The following PTBP2 variants were observed in gnomAD, a reference collection of about 807,000 sequenced individuals.
PTBP2 encodes the protein polypyrimidine tract-binding protein 2.
Under a neutral mutation model 61.4 loss-of-function variants are expected in PTBP2, and 13 were observed. The observed-to-expected ratio is 0.21, with a 90% CI of 0.14 to 0.34. The LOEUF (loss-of-function observed/expected upper bound fraction) is 0.34. Among genes scored for constraint, PTBP2 ranks in the 10% least tolerant of loss-of-function variants. The pLI is 1.00. For missense variants in PTBP2, 405 were observed against 642.6 expected (o/e 0.63, Z 4.00); for synonymous variants, 215 against 218.5 (o/e 0.98, Z 0.14).
intron 8 of PTBP2, among the ~76,000 whole-genome samples, chr1:96,801,182 G>C (rs1040281952): frequency 2.0e-5 from 3 of 152,042 alleles, no homozygotes; most frequent in Non-Finnish European, 4.4e-5. Context: ...TTTTTCCTGA[G>C]ATTTCAGGAG....
chr1:96,802,594 C>G (rs979101558), intron 8 of PTBP2, among the ~76,000 whole-genome samples: 10 of 152,066 alleles, frequency 6.6e-5, no homozygotes, highest in Non-Finnish European at 1.2e-4. Context: ...TGGCAAAGAT[C>G]TAGTCCAAAT....
intron 3 of PTBP2, among the ~76,000 whole-genome samples, chr1:96,752,591 A>G (rs1380402493): frequency 6.6e-6 from 1 of 152,176 alleles, no homozygotes; most frequent in Non-Finnish European, 1.5e-5. Flanking sequence ...CTTGATTTTG[A>G]TAGTCAAAGT....
At position 96,812,863 on chromosome 1, in the gene PTBP2, A is replaced by G. The variant is rs751595713; in HGVS notation, c.1323A>G (p.Lys441=). 3 of 1,613,704 alleles carry G rather than the reference A, an allele frequency of 1.9e-6. No individual in the cohort carries two copies. The highest frequency in any genetic ancestry group is 1.7e-5 in the Admixed American group (1 of 59,964). The change falls in exon 12 of 14, where the codon AAA becomes AAG. Residue 441 remains lysine, a synonymous_variant. Transcript: ENST00000674951. ...ATTCCCCATTGCATCGTTTTAAGAAACCTGGATCCAAAAATTTTCAAAACA... is the reference window on the plus strand; with the variant it reads ...ATTCCCCATTGCATCGTTTTAAGAAGCCTGGATCCAAAAATTTTCAAAACA... The part of the protein sequence containing the change: ...FGNSPLHRFK[K]PGSKNFQNIF...
intron 2 of PTBP2, among the ~76,000 whole-genome samples, chr1:96,724,010 A>G (rs1382944456): frequency 6.6e-6 from 1 of 152,178 alleles, no homozygotes; most frequent in Non-Finnish European, 1.5e-5. Context: ...GTTAATAATA[A>G]AGCACATTAG....
At chr1:96,822,773 C>T (rs1207578165) in exon 14 of PTBP2, 3 of 152,130 alleles carry the variant, frequency 2.0e-5, no homozygotes, top group Non-Finnish European at 1.5e-5. Flanking sequence ...CTGCGTAATA[C>T]TTTGGCAGTT....
At chr1:96,733,866 A>G (rs1651783324) in intron 2 of PTBP2, among the ~76,000 whole-genome samples, 1 of 152,218 alleles carries the variant, frequency 6.6e-6, no homozygotes, top group Non-Finnish European at 1.5e-5. Context: ...AGTCAGGATG[A>G]AGACCTTTAT....
rs1318526636 is a variant in PTBP2 at position 96,814,123 on chromosome 1, AT to A, written c.*719del. The A allele has an allele frequency of 6.6e-6, 1 of 152,528 alleles. No individual in the cohort carries two copies. The highest frequency in any genetic ancestry group is 1.5e-5 in the Non-Finnish European group (1 of 67,962). 9.4% of individuals were successfully genotyped at this position (152,528 alleles called of 1,614,324 possible). A position where few individuals can be genotyped will look rare whatever the true frequency, so the allele number is the denominator to read the frequency against. On this transcript the variant is annotated 3_prime_UTR_variant, in exon 14 of 14. Coordinates refer to ENST00000674951, the MANE Select transcript of PTBP2 (RefSeq NM_021190.4). ...AGCCCTATGTGGAAAGCATTGTGGA[AT>A]CTTAACCTTTTCGTACACACTCTTG... is the stretch of plus-strand genomic sequence containing the variant.
chr1:96,739,687 C>G (rs909162217), intron 2 of PTBP2, among the ~76,000 whole-genome samples: 1 of 134,114 alleles, frequency 7.5e-6, no homozygotes, highest in African/African-American at 2.8e-5. Context: ...AGTGCAGTGG[C>G]GCGATCTCTG....
intron 8 of PTBP2, among the ~76,000 whole-genome samples, chr1:96,785,674 A>C (rs1344358427): frequency 6.6e-6 from 1 of 152,182 alleles, no homozygotes. Flanking sequence ...GAAACAGTGA[A>C]ATGTTAAGAG....
intron 3 of PTBP2, among the ~76,000 whole-genome samples, chr1:96,757,565 A>G (rs1655299775): frequency 6.6e-6 from 1 of 152,198 alleles, no homozygotes; most frequent in Non-Finnish European, 1.5e-5. Flanking sequence ...ATAAAAAGAT[A>G]CATAATTTGA....
At chr1:96,734,778 T>C (rs1025028323) in intron 2 of PTBP2, among the ~76,000 whole-genome samples, 3 of 152,066 alleles carry the variant, frequency 2.0e-5, no homozygotes, top group African/African-American at 7.2e-5. Context: ...TGGTGGGTTT[T>C]TATTTCTGTT....
chr1:96,786,943 G>C (rs76227263), intron 8 of PTBP2, among the ~76,000 whole-genome samples: 6,846 of 152,228 alleles, frequency 0.045, 483 homozygotes, highest in African/African-American at 0.15. Flanking sequence ...TAGAAGTCAC[G>C]TGGATTCTTC....
chr1:96,753,681 A>G (rs1382873252), intron 3 of PTBP2, among the ~76,000 whole-genome samples: 1 of 152,176 alleles, frequency 6.6e-6, no homozygotes, highest in African/African-American at 2.4e-5. Context: ...TTTAAGCTGT[A>G]AAGGAAAAGA....
chr1:96,745,603 C>A (rs115312848), intron 2 of PTBP2, among the ~76,000 whole-genome samples: 109 of 151,888 alleles, frequency 7.2e-4, no homozygotes, highest in African/African-American at 2.4e-3. Flanking sequence ...AAACGGTATG[C>A]CTATATAATG....
downstream of PTBP2, chr1:96,817,440 T>C (rs192588314): frequency 7.9e-5 from 12 of 152,248 alleles, no homozygotes; most frequent in East Asian, 7.7e-4. Flanking sequence ...AGTTATTCTT[T>C]GTTATTTTGA....
intron 11 of PTBP2, among the ~76,000 whole-genome samples, chr1:96,808,796 AACAC>A (rs899269881): frequency 5.1e-4 from 77 of 149,636 alleles, no homozygotes; most frequent in South Asian, 4.2e-4. Context: ...TTTCCTTTAA[AACAC>A]ACACACACAA....
intron 5 of PTBP2, among the ~76,000 whole-genome samples, chr1:96,777,293 T>C (rs1224322452): frequency 6.6e-6 from 1 of 152,208 alleles, no homozygotes; most frequent in Non-Finnish European, 1.5e-5. Context: ...CATGTATTTA[T>C]AAAACTACAT....
At chr1:96,773,144 A>AAG (rs1414449621) in intron 5 of PTBP2, among the ~76,000 whole-genome samples, 54 of 139,348 alleles carry the variant, frequency 3.9e-4, no homozygotes, top group African/African-American at 1.3e-3. Flanking sequence ...AAAAAAAAAA[A>AAG]AAGAGTAAAG....
chr1:96,731,819 C>G (rs963633087), intron 2 of PTBP2, among the ~76,000 whole-genome samples: 1 of 151,976 alleles, frequency 6.6e-6, no homozygotes, highest in Non-Finnish European at 1.5e-5. Context: ...TTATATTCTT[C>G]GTAATTTGTA....
Sources: gnomAD v4.1 joint callset for allele counts (sites outside exome capture counted in the v4.1 genomes callset) on GRCh38, gnomAD v4.1.1 for gene constraint, MANE v1.5 for transcripts, NCBI Gene and HGNC (gene_info 2026-07-23, HGNC 2026-07-21) for gene names.